SNAP91: variants seen among roughly 807,000 people sequenced by gnomAD.
SNAP91 encodes the protein synaptosome associated protein 91.
Under a neutral mutation model 100.3 loss-of-function variants are expected in SNAP91, and 27 were observed. That is an observed-to-expected ratio of 0.27 (90% confidence interval 0.20 to 0.37). The LOEUF (loss-of-function observed/expected upper bound fraction) is 0.37. Ranked by LOEUF, SNAP91 falls within the 10% of genes least tolerant of loss-of-function variation. SNAP91 has a pLI of 1.00. For missense variants in SNAP91, 986 were observed against 1,123.7 expected, an observed-to-expected ratio of 0.88 and a Z score of 1.75; for synonymous variants, 404 against 398.6, an observed-to-expected ratio of 1.01 and a Z score of -0.16.
At chr6:83,591,341 G>T in intron 21 of SNAP91, 47 bp from the exon 22 acceptor site, 1 of 1,150,632 alleles carries the variant, frequency 8.7e-7, no homozygotes, top group Non-Finnish European at 1.3e-6. Context: ...AGTGTAAAAA[G>T]TAAGTACAGT....
chr6:83,574,476 C>A (rs1814497784), intron 26 of SNAP91, among the ~76,000 whole-genome samples: 1 of 151,764 alleles, frequency 6.6e-6, no homozygotes, highest in African/African-American at 2.4e-5. Flanking sequence ...AAATGGTGAG[C>A]AAAAGTAATA....
At chr6:83,701,551 A>G (rs1368276622) in intron 2 of SNAP91, among the ~76,000 whole-genome samples, 1 of 151,982 alleles carries the variant, frequency 6.6e-6, no homozygotes, top group African/African-American at 2.4e-5. Flanking sequence ...GGTTCAAGCA[A>G]TTCTCCTGCC....
intron 2 of SNAP91, among the ~76,000 whole-genome samples, chr6:83,693,656 T>C (rs1228179741): frequency 6.6e-6 from 1 of 152,214 alleles, no homozygotes; most frequent in Non-Finnish European, 1.5e-5. Context: ...TAGCTATAAC[T>C]GTCTCCACTA....
At chr6:83,646,797 A>G (rs1054260391) in intron 7 of SNAP91, among the ~76,000 whole-genome samples, 1 of 152,204 alleles carries the variant, frequency 6.6e-6, no homozygotes, top group Non-Finnish European at 1.5e-5. Context: ...ACATATTCAC[A>G]GTATTGAACC....
At chr6:83,561,043 A>G (rs1786661248) in intron 26 of SNAP91, 96 bp from the exon 27 acceptor site, 1 of 799,248 alleles carries the variant, frequency 1.3e-6, no homozygotes, top group Non-Finnish European at 1.9e-6. Flanking sequence ...ATAATTTGGT[A>G]TTTATTTATT....
At chr6:83,682,655 C>T (rs1180677630) in intron 2 of SNAP91, among the ~76,000 whole-genome samples, 2 of 151,894 alleles carry the variant, frequency 1.3e-5, no homozygotes, top group Admixed American at 6.6e-5. Flanking sequence ...CATATGTATA[C>T]ATGTGCCATG....
chr6:83,623,875 CATATT>C (rs1212050852), intron 8 of SNAP91, among the ~76,000 whole-genome samples: 7 of 151,952 alleles, frequency 4.6e-5, no homozygotes, highest in East Asian at 1.9e-4. Flanking sequence ...CAAATAATAA[CATATT>C]ATATATAATG....
chr6:83,677,815 G>T (rs922534162), intron 2 of SNAP91, among the ~76,000 whole-genome samples: 2 of 152,140 alleles, frequency 1.3e-5, no homozygotes, highest in African/African-American at 4.8e-5. Context: ...TTAAGAATCA[G>T]AAATTTACAG....
chr6:83,582,786 A>G (rs1281589231), intron 22 of SNAP91, among the ~76,000 whole-genome samples: 1 of 152,220 alleles, frequency 6.6e-6, no homozygotes, highest in Non-Finnish European at 1.5e-5. Flanking sequence ...ATAAAAATAC[A>G]TATCAAATCT....
chr6:83,665,876 C>T (rs1326942860), intron 2 of SNAP91, among the ~76,000 whole-genome samples: 1 of 152,042 alleles, frequency 6.6e-6, no homozygotes, highest in Non-Finnish European at 1.5e-5. Context: ...AAATTATAAA[C>T]TCCAGGAAGG....
At chr6:83,612,447 T>C (rs1562340546) in intron 11 of SNAP91, among the ~76,000 whole-genome samples, 1 of 152,226 alleles carries the variant, frequency 6.6e-6, no homozygotes, top group Non-Finnish European at 1.5e-5. Context: ...GCATGAATTC[T>C]ACAAAGAAAA....
At position 83,580,739 on chromosome 6, in the gene SNAP91, T is replaced by C. The variant is rs1827054285; in HGVS notation, c.2150-140A>G. ...AAAAGAAGGCAAGTAATTCACACTT[T>C]TCATGACTGTAACACCAAGAAGAAC... On this transcript the variant is annotated intron_variant, in intron 23 of 29. Coordinates refer to ENST00000369694, the MANE Select transcript of SNAP91 (RefSeq NM_001242792.2). 1.3e-5 allele frequency: 9 copies of C among 713,680 alleles called. No individual in the cohort carries two copies. The South Asian group carries it at 2.1e-4, about 16-fold the overall frequency. 44.2% of individuals were successfully genotyped at this position (713,680 alleles called of 1,614,324 possible).
chr6:83,570,561 G>GA lies in SNAP91; in HGVS notation c.2442+4448_2442+4449insT, dbSNP rs1273999397. Among the ~76,000 whole-genome samples, 4 of 137,948 alleles carry GA rather than the reference G, an allele frequency of 2.9e-5. 1 individual carries two copies. The Admixed American group carries it at 3.0e-4, about 10-fold the overall frequency. The allele number at this position is 137,948 out of a possible 152,430, so 90.5% of individuals were successfully genotyped here. A position where few individuals can be genotyped will look rare whatever the true frequency, so the allele number is the denominator to read the frequency against. On this transcript the variant is annotated intron_variant, in intron 26 of 29. Transcript: ENST00000369694. ...CCTGGAGGTTTACGGGGTGGCGGGG[G>GA]GGGAAGTGGTTTCATGGGCTGGGCC... is the stretch of plus-strand genomic sequence containing the variant.
chr6:83,632,385 G>T (rs1411063883), intron 8 of SNAP91, among the ~76,000 whole-genome samples: 3 of 152,100 alleles, frequency 2.0e-5, no homozygotes, highest in Non-Finnish European at 2.9e-5. Flanking sequence ...TTCTTTTTGT[G>T]ATGAATTTCC....
intron 22 of SNAP91, among the ~76,000 whole-genome samples, chr6:83,589,079 T>A (rs1275837418): frequency 1.3e-5 from 2 of 152,226 alleles, no homozygotes; most frequent in African/African-American, 4.8e-5. Flanking sequence ...TAATCACTAA[T>A]CTCATTTTAA....
chr6:83,680,652 A>C (rs1453965852), intron 2 of SNAP91, among the ~76,000 whole-genome samples: 1 of 152,180 alleles, frequency 6.6e-6, no homozygotes, highest in Non-Finnish European at 1.5e-5. Flanking sequence ...TCTAGTGCTC[A>C]GTCTAGAACA....
chr6:83,679,814 A>G (rs1200239328), intron 2 of SNAP91, among the ~76,000 whole-genome samples: 2 of 152,218 alleles, frequency 1.3e-5, no homozygotes. Flanking sequence ...GGAGAACTTA[A>G]ATATTAATCA....
chr6:83,622,255 A>G (rs989090396), intron 9 of SNAP91, among the ~76,000 whole-genome samples: 3 of 152,082 alleles, frequency 2.0e-5, no homozygotes, highest in African/African-American at 7.2e-5. Flanking sequence ...TGTGAATTTT[A>G]TTCATAAAGA....
In SNAP91 at chr6:83,681,830, G is replaced by A. The variant is rs148220039; in HGVS notation, c.131-16249C>T. On this transcript the variant is annotated intron_variant, in intron 2 of 29. Coordinates refer to ENST00000369694, the MANE Select transcript of SNAP91 (RefSeq NM_001242792.2). Reference sequence around the variant, plus strand: ...ACCATTCCCCCAAGTGTTCTAGAATGACAAATGGTGGCAAAAATCCTGGAC... The same window carrying A: ...ACCATTCCCCCAAGTGTTCTAGAATAACAAATGGTGGCAAAAATCCTGGAC... 7.2e-3 allele frequency among the ~76,000 whole-genome samples: 1,097 copies of A among 152,244 alleles called. 8 individuals carry two copies. Among genetic ancestry groups the A allele is most frequent in the African/African-American group, 0.025 (1,032 of 41,542 alleles).
Sources: allele counts gnomAD v4.1 joint callset (sites outside exome capture counted in the v4.1 genomes callset), GRCh38; gene constraint gnomAD v4.1.1; transcripts MANE v1.5; gene names NCBI Gene and HGNC (gene_info 2026-07-23, HGNC 2026-07-21).